PREPL: variants seen among roughly 807,000 people sequenced by gnomAD.
PREPL encodes prolyl endopeptidase-like.
PREPL carries 77 observed loss-of-function variants against 70.6 expected under a neutral mutation model. The observed-to-expected ratio is 1.09, with a 90% confidence interval of 0.91 to 1.32. The LOEUF is 1.32. Ranked by LOEUF, PREPL falls within the 40% of genes most tolerant of loss-of-function variation. The pLI, the probability that PREPL is intolerant of heterozygous loss-of-function variation, is 0.00. For missense variants in PREPL, 1,002 were observed against 778.2 expected (o/e 1.29, Z -3.42); for synonymous variants, 315 against 264.8 (o/e 1.19, Z -1.84).
At position 44,322,725 on chromosome 2, in the gene PREPL, TCCTACCTTCA is replaced by T; in HGVS notation, c.1749_1753+5del. The T allele has an allele frequency of 6.2e-7, 1 of 1,612,360 alleles. No homozygotes were observed. Among genetic ancestry groups the T allele is most frequent in the Non-Finnish European group, 8.5e-7 (1 of 1,179,142 alleles). On this transcript the variant is annotated splice_donor_variant and splice_donor_5th_base_variant and coding_sequence_variant and intron_variant, in exon 12 of 14. Transcript: ENST00000409411. LOFTEE classifies it high-confidence loss of function. ...CCATGTTCCCTGCTTCTAGGGGGTC[TCCTACCTTCA>T]CCTGTGTCCTTAGCATGCTCCGCGA...
In PREPL at chr2:44,322,055, G is replaced by A. The variant is rs368555006; in HGVS notation, c.1754-155C>T. ...ACCATCATCAACAAAAAGATGGGAG[G>A]GGACAAGCAACAGAAGACAAACTTC... On this transcript the variant is annotated intron_variant, in intron 12 of 13. Transcript: ENST00000409411. 7.5e-4 allele frequency among the ~76,000 whole-genome samples: 114 copies of A among 152,186 alleles called. 3 individuals are homozygous for A. The highest frequency in any genetic ancestry group is 6.7e-4 in the African/African-American group (28 of 41,530).
chr2:44,355,659 T>C (rs949578758), intron 1 of PREPL, among the ~76,000 whole-genome samples: 1 of 152,006 alleles, frequency 6.6e-6, no homozygotes, highest in African/African-American at 2.4e-5. Context: ...TCTTCTAAAA[T>C]GCAAATCTGA....
intron 1 of PREPL, among the ~76,000 whole-genome samples, chr2:44,358,163 A>G (rs1008282242): frequency 7.2e-5 from 11 of 152,326 alleles, no homozygotes; most frequent in African/African-American, 2.6e-4. Context: ...GTGTCCATCA[A>G]TTACAGGAAT....
At chr2:44,329,460 G>T (rs903398043) in intron 8 of PREPL, among the ~76,000 whole-genome samples, 1 of 152,184 alleles carries the variant, frequency 6.6e-6, no homozygotes, top group Non-Finnish European at 1.5e-5. Flanking sequence ...ACCAAGGTTA[G>T]AAGTCCTAGT....
chr2:44,338,610 G>A, intron 6 of PREPL, 74 bp from the exon 7 acceptor site: 2 of 1,228,172 alleles, frequency 1.6e-6, no homozygotes, highest in South Asian at 2.9e-5. Flanking sequence ...TGCAATCACT[G>A]AGAACTAGAC....
Position 44,320,116 on chromosome 2 carries a change from A to T in PREPL, c.*1240T>A. ...AAATTGGAGCAAGTGTTTTGGGTAA[A>T]TAACTCCTTACAATATATTAAAAAT... On this transcript the variant is annotated 3_prime_UTR_variant, in exon 14 of 14. Coordinates refer to ENST00000409411, the MANE Select transcript of PREPL (RefSeq NM_001171613.2). 1 of 1,264,980 alleles carries T rather than the reference A, an allele frequency of 7.9e-7. No individual in the cohort carries two copies. The highest frequency in any genetic ancestry group is 2.5e-5 in the East Asian group (1 of 39,720). The allele number at this position is 1,264,980 out of a possible 1,614,324, so 78.4% of individuals were successfully genotyped here.
In PREPL at chr2:44,317,729, GA is replaced by G. The variant is rs1029534284; in HGVS notation, c.*3626del. The G allele has an allele frequency of 6.6e-6, 1 of 151,408 alleles. No individual in the cohort carries two copies. Among genetic ancestry groups the G allele is most frequent in the African/African-American group, 2.4e-5 (1 of 41,082 alleles). 9.4% of individuals were successfully genotyped at this position (151,408 alleles called of 1,614,324 possible). On this transcript the variant is annotated 3_prime_UTR_variant, in exon 14 of 14. Transcript: ENST00000409411. ...TTCAAATTTTCAAAGAATACTAGAA[GA>G]AAAAAATTATACAGTCAATCCAACA...
chr2:44,321,786 A>G, intron 13 of PREPL, 41 bp downstream of exon 13: 1 of 1,613,780 alleles, frequency 6.2e-7, no homozygotes, highest in South Asian at 1.1e-5. Flanking sequence ...ACATGTATCT[A>G]GTTCGGGAAT....
chr2:44,331,678 T>C (rs1246708501), intron 8 of PREPL, among the ~76,000 whole-genome samples: 1 of 152,166 alleles, frequency 6.6e-6, no homozygotes, highest in Admixed American at 6.5e-5. Context: ...AAAATCCCTT[T>C]GCTCTATGCT....
Position 44,320,493 on chromosome 2 carries a change from A to G in PREPL, c.*863T>C, listed in dbSNP as rs1366874663. 6.2e-7 allele frequency: 1 copy of G among 1,614,050 alleles called. No individual in the cohort carries two copies. Among genetic ancestry groups the G allele is most frequent in the Non-Finnish European group, 8.5e-7 (1 of 1,180,004 alleles). ...AGGCAGTAAAGTTGATACAAGTGGC[A>G]TTTTTCTGGACAAGGGAGAGGGACT... On this transcript the variant is annotated 3_prime_UTR_variant, in exon 14 of 14. Coordinates refer to ENST00000409411, the MANE Select transcript of PREPL (RefSeq NM_001171613.2).
At chr2:44,327,948 G>A (rs1001751251) in intron 9 of PREPL, among the ~76,000 whole-genome samples, 3 of 151,870 alleles carry the variant, frequency 2.0e-5, no homozygotes, top group East Asian at 1.9e-4. Flanking sequence ...TCAGGAGTTC[G>A]AGACCAGCCT....
chr2:44,347,557 T>C (rs1267647181), intron 1 of PREPL, among the ~76,000 whole-genome samples: 1 of 152,228 alleles, frequency 6.6e-6, no homozygotes, highest in African/African-American at 2.4e-5. Flanking sequence ...GTAAGCAAAT[T>C]AATATCATAT....
chr2:44,329,089 A>G lies in PREPL; in HGVS notation c.1110T>C (p.Thr370=). 1 of 1,604,276 alleles carries G rather than the reference A, an allele frequency of 6.2e-7. No individual in the cohort carries two copies. The highest frequency in any genetic ancestry group is 8.5e-7 in the Non-Finnish European group (1 of 1,171,982). The change falls in exon 9 of 14, where the codon ACT becomes ACC. Residue 370 remains threonine (T), a synonymous_variant. Coordinates refer to ENST00000409411, the MANE Select transcript of PREPL (RefSeq NM_001171613.2). The stretch of plus-strand genomic sequence containing the variant: ...CCTCAGAGTCAGTTTTGTGGAAAAC[A>G]GTCATTGGCACTAATTTTCCATCCT... ...KSKDGKLVPM[T]VFHKTDSEDL...
chr2:44,323,535 C>T (rs2103699518), intron 10 of PREPL, 124 bp from the exon 11 acceptor site: 3 of 726,194 alleles, frequency 4.1e-6, no homozygotes, highest in Admixed American at 3.7e-5. Context: ...CATGTAGATT[C>T]CTAGGAGCTA....
rs1423858169 is a variant in PREPL, at chr2:44,326,587, A to C, written c.1479+125T>G. ...TCCTGGTAAGCAATCTGCCCACCTC[A>C]GTTTCCCGAAGTGCTGGGATTACAG... On this transcript the variant is annotated intron_variant, in intron 10 of 13. Coordinates refer to ENST00000409411, the MANE Select transcript of PREPL (RefSeq NM_001171613.2). The C allele has an allele frequency of 6.3e-6, 6 of 951,224 alleles. No homozygotes were observed. The South Asian group carries it at 7.4e-5, about 12-fold the overall frequency. The allele number at this position is 951,224 out of a possible 1,614,324, so 58.9% of individuals were successfully genotyped here.
At chr2:44,357,768 C>T (rs1677204927) in intron 1 of PREPL, among the ~76,000 whole-genome samples, 1 of 151,818 alleles carries the variant, frequency 6.6e-6, no homozygotes, top group African/African-American at 2.4e-5. Flanking sequence ...GTTCTAAACA[C>T]AATGCAAAAT....
At position 44,322,789 on chromosome 2, in the gene PREPL, T is replaced by G; in HGVS notation, c.1695A>C (p.Val565=). The change falls in exon 12 of 14, where the codon GTA becomes GTC. Residue 565 remains valine (V), a synonymous_variant. Transcript: ENST00000409411. ...NDERVPLKGI[V]SYTEKLKEAI... ...CTTCCTTGAGTTTCTCAGTATAACT[T>G]ACAATTCCTTTCAGAGGTACCCGTT... The G allele has an allele frequency of 5.6e-6, 9 of 1,613,962 alleles. No homozygotes were observed. Among genetic ancestry groups the G allele is most frequent in the Non-Finnish European group, 7.6e-6 (9 of 1,179,866 alleles).
chr2:44,330,595 G>T (rs1184206985), intron 8 of PREPL, among the ~76,000 whole-genome samples: 1 of 152,064 alleles, frequency 6.6e-6, no homozygotes, highest in African/African-American at 2.4e-5. Flanking sequence ...AGCATGTATT[G>T]CTTTTGTAAT....
chr2:44,361,732 A>C (rs1473903212), upstream of PREPL: 7 of 417,546 alleles, frequency 1.7e-5, no homozygotes, highest in Non-Finnish European at 2.9e-5. Context: ...AATGAGGGAC[A>C]GCGTTCCAGT....
Sources: allele counts gnomAD v4.1 joint callset (sites outside exome capture counted in the v4.1 genomes callset), GRCh38; gene constraint gnomAD v4.1.1; transcripts MANE v1.5; gene names NCBI Gene and HGNC (gene_info 2026-07-23, HGNC 2026-07-21).